Variants in HCN2 observed in about 807,000 individuals in gnomAD.
HCN2 encodes the protein potassium/sodium hyperpolarization-activated cyclic nucleotide-gated channel 2.
In HCN2, 20 loss-of-function variants were observed where a neutral mutation model predicts 52.3. That is an observed-to-expected ratio of 0.38 (90% CI 0.27 to 0.56). The LOEUF is 0.56. Among genes scored for constraint, HCN2 ranks in the 20% least tolerant of loss-of-function variants. The pLI is 0.71. For synonymous variants in HCN2, 694 were observed against 537.0 expected, an observed-to-expected ratio of 1.29 and a Z score of -4.04; for missense variants, 981 against 1,207.7, an observed-to-expected ratio of 0.81 and a Z score of 2.78.
At chr19:594,242 G>A (rs1441563358) in intron 1 of HCN2, among the ~76,000 whole-genome samples, 1 of 152,138 alleles carries the variant, frequency 6.6e-6, no homozygotes, top group African/African-American at 2.4e-5. Context: ...GGGCTGGGCA[G>A]ACCTGGCGGG....
chr19:602,648 G>C (rs2144514493), intron 1 of HCN2, among the ~76,000 whole-genome samples: 1 of 152,312 alleles, frequency 6.6e-6, no homozygotes, highest in South Asian at 2.1e-4. Flanking sequence ...GTGCCCCTCT[G>C]CACCCCGGCT....
intron 7 of HCN2, 129 bp from the exon 8 acceptor site, chr19:615,666 G>A: frequency 1.2e-6 from 1 of 803,288 alleles, no homozygotes; most frequent in Non-Finnish European, 2.1e-6. Context: ...GTATACAGTA[G>A]GTGGTAAATG....
intron 4 of HCN2, among the ~76,000 whole-genome samples, chr19:609,233 G>A (rs915559420): frequency 1.3e-5 from 2 of 152,222 alleles, no homozygotes; most frequent in Admixed American, 6.5e-5. Flanking sequence ...GGCTGGGGCG[G>A]AAGTGAGGCT....
At chr19:614,304 G>C (rs537582903) in intron 7 of HCN2, among the ~76,000 whole-genome samples, 1 of 152,326 alleles carries the variant, frequency 6.6e-6, no homozygotes, top group East Asian at 1.9e-4. Flanking sequence ...TTTCCCAAGG[G>C]AGGGAATGCA....
Position 590,074 on chromosome 19 carries a change from C to G in HCN2, c.129C>G (p.Pro43=). The G allele has an allele frequency of 1.7e-6, 1 of 593,130 alleles. No homozygotes were observed. Among genetic ancestry groups the G allele is most frequent in the Non-Finnish European group, 2.1e-6 (1 of 479,598 alleles). The allele number at this position is 593,130 out of a possible 1,614,324, so 36.7% of individuals were successfully genotyped here. A position where few individuals can be genotyped will look rare whatever the true frequency, so the allele number is the denominator to read the frequency against. ...CGCCGCCGCCGCCGCCGCCCGCGCC[C>G]CCCCCGGGCCCCGGGCCCGCGCCCC... ...QQPPPPPPPA[P]PPGPGPAPPQ... is the part of the protein sequence containing the mutation. The change falls in exon 1 of 8, where the codon CCC becomes CCG. Residue 43 remains proline (P), a synonymous_variant. Coordinates refer to ENST00000251287, the MANE Select transcript of HCN2 (RefSeq NM_001194.4). The surrounding 1 kb of genome is among the most constrained non-coding windows in gnomAD (Gnocchi z 7.2).
chr19:608,994 A>G (rs1305027760), intron 4 of HCN2, among the ~76,000 whole-genome samples: 1 of 152,154 alleles, frequency 6.6e-6, no homozygotes, highest in African/African-American at 2.4e-5. Flanking sequence ...GGCCTCATGC[A>G]CCACTCTGTG....
chr19:613,581 G>A (rs1412432273), intron 6 of HCN2, 93 bp downstream of exon 6: 2 of 152,996 alleles, frequency 1.3e-5, no homozygotes, highest in East Asian at 2.3e-4. Context: ...CCGGGGCCGG[G>A]GATGGGGATG....
chr19:616,614 CGGGCAGGGCCG>C lies in HCN2; in HGVS notation c.*142_*152del, dbSNP rs1983945433. The C allele has an allele frequency of 1.2e-5, 5 of 417,458 alleles. No homozygotes were observed. The highest frequency in any genetic ancestry group is 1.8e-5 in the Non-Finnish European group (5 of 281,658). The allele number at this position is 417,458 out of a possible 1,614,324, so 25.9% of individuals were successfully genotyped here. On this transcript the variant is annotated 3_prime_UTR_variant, in exon 8 of 8. Transcript: ENST00000251287. The stretch of plus-strand genomic sequence containing the variant: ...ACGTAGGTAGCCGTAGTTGGACGGA[CGGGCAGGGCCG>C]GCGGGGCAGCCCCCTCCGCGCCCCC...
intron 3 of HCN2, among the ~76,000 whole-genome samples, chr19:606,548 C>T (rs530338318): frequency 2.6e-5 from 4 of 151,928 alleles, no homozygotes; most frequent in African/African-American, 7.2e-5. Context: ...AGTGGTATCA[C>T]CATGCCAAAG....
chr19:611,349 C>T (rs949230708), intron 5 of HCN2, among the ~76,000 whole-genome samples: 2 of 152,118 alleles, frequency 1.3e-5, no homozygotes, highest in Admixed American at 6.5e-5. Context: ...CTCTGGGAAG[C>T]GGGGAGGGAC....
In HCN2 at chr19:613,507, C is replaced by CG. The variant is rs1403261463; in HGVS notation, c.1825+20dup. The CG allele has an allele frequency of 1.0e-6, 1 of 972,894 alleles. No individual in the cohort carries two copies. The highest frequency in any genetic ancestry group is 1.5e-6 in the Non-Finnish European group (1 of 678,084). The allele number at this position is 972,894 out of a possible 1,614,324, so 60.3% of individuals were successfully genotyped here. On this transcript the variant is annotated intron_variant, in intron 6 of 7. Transcript: ENST00000251287. ...TTCGGGGGTGAGCTTGAGGGGGGCG[C>CG]GCCTGGAGGGGGAGGGGGCACGCGA...
In HCN2 at chr19:613,835, C is replaced by G. The variant is rs954693499; in HGVS notation, c.1826-17C>G. On this transcript the variant is annotated splice_polypyrimidine_tract_variant and intron_variant, in intron 6 of 7. Coordinates refer to ENST00000251287, the MANE Select transcript of HCN2 (RefSeq NM_001194.4). ...GCCCGCCTCGTCCAGCAACCCCCCC[C>G]TGCGCGCCACGTGCAGAGATCTGCC... 33 of 1,533,196 alleles carry G rather than the reference C, an allele frequency of 2.2e-5. No individual in the cohort carries two copies. The highest frequency in any genetic ancestry group is 5.8e-5 in the African/African-American group (4 of 68,388). 95.0% of individuals were successfully genotyped at this position (1,533,196 alleles called of 1,614,324 possible). A position where few individuals can be genotyped will look rare whatever the true frequency, so the allele number is the denominator to read the frequency against.
chr19:601,068 ACTTTGCGAGGCCTAGGCAGAAGGAT>A lies in HCN2; in HGVS notation c.633-2474_633-2450del, dbSNP rs1308629492. ...AGTGGCTCAGGCCGGTAATCCCCAC[ACTTTGCGAGGCCTAGGCAGAAGGAT>A]CATGAGGTCAGGGTTTCGAGACCAG... On this transcript the variant is annotated intron_variant, in intron 1 of 7. Coordinates refer to ENST00000251287, the MANE Select transcript of HCN2 (RefSeq NM_001194.4). Among the ~76,000 whole-genome samples, 22 of 151,932 alleles carry A rather than the reference ACTTTGCGAGGCCTAGGCAGAAGGAT, an allele frequency of 1.4e-4. No individual in the cohort carries two copies. In the East Asian group the frequency reaches 3.9e-3, roughly 27 times the overall value.
At chr19:595,017 A>G (rs777659206) in intron 1 of HCN2, among the ~76,000 whole-genome samples, 2 of 151,756 alleles carry the variant, frequency 1.3e-5, no homozygotes, top group Non-Finnish European at 2.9e-5. Flanking sequence ...CCTGGGCAAC[A>G]TAGCAAGACC....
At chr19:607,002 G>A (rs978332203) in intron 3 of HCN2, among the ~76,000 whole-genome samples, 4 of 151,436 alleles carry the variant, frequency 2.6e-5, no homozygotes, top group African/African-American at 4.9e-5. Context: ...GAGAAACCCC[G>A]TCTCTACTAA....
At chr19:615,654 T>C (rs1317655049) in intron 7 of HCN2, 141 bp from the exon 8 acceptor site, 2 of 735,496 alleles carry the variant, frequency 2.7e-6, no homozygotes, top group African/African-American at 3.6e-5. Flanking sequence ...TATGTGCTTA[T>C]TGTATACAGT....
At chr19:613,818 CG>C (rs1568368974) in intron 6 of HCN2, 33 bp from the exon 7 acceptor site, 3 of 1,479,892 alleles carry the variant, frequency 2.0e-6, no homozygotes, top group Admixed American at 2.4e-5. Flanking sequence ...GCGCCCGCCT[CG>C]TCCAGCAACC....
chr19:608,335 G>C (rs1983493132), intron 4 of HCN2, among the ~76,000 whole-genome samples, 153 bp downstream of exon 4: 1 of 151,552 alleles, frequency 6.6e-6, no homozygotes, highest in Non-Finnish European at 1.5e-5. Context: ...TTGCCCTGGG[G>C]TCTGAGGGCG....
chr19:607,824 C>A, intron 3 of HCN2, 140 bp from the exon 4 acceptor site: 2 of 636,368 alleles, frequency 3.1e-6, no homozygotes, highest in East Asian at 5.5e-5. Context: ...CCTGGGTCTC[C>A]ATTTCTCTTG....
Sources: gnomAD v4.1 joint callset for allele counts (sites outside exome capture counted in the v4.1 genomes callset) on GRCh38, gnomAD v4.1.1 for gene constraint, Gnocchi (gnomAD v3.1) non-coding constraint, MANE v1.5 for transcripts, NCBI Gene and HGNC (gene_info 2026-07-23, HGNC 2026-07-21) for gene names.